Variants in SEPTIN7 observed in about 807,000 individuals in gnomAD.
SEPTIN7 encodes septin 7.
A neutral mutation model predicts 63.3 loss-of-function variants in SEPTIN7; 10 were observed. The observed-to-expected ratio is 0.16, with a 90% CI of 0.10 to 0.27. The LOEUF (loss-of-function observed/expected upper bound fraction) is 0.27. SEPTIN7 is among the 10% of genes least tolerant of loss of function. The pLI is 1.00. For missense variants in SEPTIN7, 310 were observed against 521.0 expected (o/e 0.59, Z 3.94); for synonymous variants, 131 against 165.3 (o/e 0.79, Z 1.59).
the SEPTIN7 span, among the ~76,000 whole-genome samples, chr7:35,912,349 T>C: frequency 3.3e-5 from 5 of 152,278 alleles, no homozygotes; most frequent in Non-Finnish European, 4.4e-5. Context: ...AAAGGGCATG[T>C]TCCTGCTGCA....
rs1403681735 is a variant in SEPTIN7, at chr7:35,872,535, A to G, written c.277-131A>G. 10 of 670,674 alleles carry G rather than the reference A, an allele frequency of 1.5e-5. No homozygotes were observed. The Admixed American group carries it at 1.8e-4, about 12-fold the overall frequency. The allele number at this position is 670,674 out of a possible 1,614,324, so 41.5% of individuals were successfully genotyped here. A position where few individuals can be genotyped will look rare whatever the true frequency, so the allele number is the denominator to read the frequency against. ...TCATCAATTCTAAAGGTAATGTGGTAGTAGGTAGATTTAGTTTGCTAACAG... is the reference window on the plus strand; with the variant it reads ...TCATCAATTCTAAAGGTAATGTGGTGGTAGGTAGATTTAGTTTGCTAACAG... On this transcript the variant is annotated intron_variant, in intron 4 of 13. Coordinates refer to ENST00000350320, the MANE Select transcript of SEPTIN7 (RefSeq NM_001788.6).
At chr7:35,837,053 A>G (rs930424045) in intron 3 of SEPTIN7, among the ~76,000 whole-genome samples, 3 of 152,204 alleles carry the variant, frequency 2.0e-5, no homozygotes, top group African/African-American at 7.2e-5. Context: ...TTTAGAAGAA[A>G]AAAATCACAT....
At chr7:35,880,223 C>CTTTTTTTTTTTTTTTTTTTTTTATTT in intron 7 of SEPTIN7, among the ~76,000 whole-genome samples, 3 of 72,776 alleles carry the variant, frequency 4.1e-5, no homozygotes, top group African/African-American at 6.0e-5. Context: ...TTTTTCTTTT[C>CTTTTTTTTTTTTTTTTTTTTTTATTT]TTTTTTTTTT....
At chr7:35,888,163 T>A (rs1787388808) in intron 10 of SEPTIN7, among the ~76,000 whole-genome samples, 1 of 152,142 alleles carries the variant, frequency 6.6e-6, no homozygotes, top group Non-Finnish European at 1.5e-5. Context: ...ATATCAGCAA[T>A]GGGAAATGGA....
At chr7:35,825,310 C>CT (rs775982135) in intron 1 of SEPTIN7, among the ~76,000 whole-genome samples, 12 of 152,146 alleles carry the variant, frequency 7.9e-5, no homozygotes, top group Non-Finnish European at 1.3e-4. Flanking sequence ...CTTAACTTTC[C>CT]TAAGCTATAG....
At chr7:35,851,480 T>C (rs941421045) in intron 3 of SEPTIN7, among the ~76,000 whole-genome samples, 4 of 152,140 alleles carry the variant, frequency 2.6e-5, no homozygotes, top group African/African-American at 9.7e-5. Flanking sequence ...AAAATATTAG[T>C]TTGAAGAAAT....
chr7:35,801,398 A>C, intron 1 of SEPTIN7, 128 bp downstream of exon 1: 1 of 1,188,226 alleles, frequency 8.4e-7, no homozygotes, highest in Non-Finnish European at 1.1e-6. Flanking sequence ...GGGAGCCGGG[A>C]TGGGGGCCAC....
At chr7:35,869,643 A>G (rs1786027155) in intron 4 of SEPTIN7, among the ~76,000 whole-genome samples, 1 of 152,226 alleles carries the variant, frequency 6.6e-6, no homozygotes, top group Non-Finnish European at 1.5e-5. Context: ...ACTGTATAAT[A>G]AACATTGTTT....
intron 3 of SEPTIN7, among the ~76,000 whole-genome samples, chr7:35,842,238 A>C (rs921152591): frequency 6.6e-6 from 1 of 152,206 alleles, no homozygotes; most frequent in African/African-American, 2.4e-5. Flanking sequence ...ATTGAACTAC[A>C]GAACCTTAGA....
At position 35,879,855 on chromosome 7, in the gene SEPTIN7, G is replaced by A. The variant is rs745712983; in HGVS notation, c.545G>A (p.Arg182His). The A allele has an allele frequency of 4.0e-5, 64 of 1,595,622 alleles. No individual in the cohort carries two copies. Among genetic ancestry groups the A allele is most frequent in the Non-Finnish European group, 8.6e-7 (1 of 1,169,404 alleles). Residue 182 changes from arginine (R) to histidine (H), a missense_variant, in exon 7 of 14, where the codon CGT becomes CAT. By Grantham distance (29) the Arg-to-His change is conservative. Coordinates refer to ENST00000350320, the MANE Select transcript of SEPTIN7 (RefSeq NM_001788.6). The stretch of plus-strand genomic sequence containing the variant: ...CCATTGGATATTGAGTTTATGAAGC[G>A]TTTGCATGAAAAAGTGAATATCATC... ...LKPLDIEFMK[R>H]LHEKVNIIPL...
In SEPTIN7 at chr7:35,801,266, C is replaced by T; in HGVS notation, c.57C>T (p.Thr19=). ...AGGAGAGGAGCGTCAACAGCAGCAC[C>T]ATGGGTGAGTCTCAGCTTCGGGTGC... is the stretch of plus-strand genomic sequence containing the variant. ...AAEERSVNSS[T]MVAQQKNLEG... is the part of the protein sequence containing the mutation. Residue 19 remains threonine (T), a synonymous_variant, in exon 1 of 14, where the codon ACC becomes ACT. Coordinates refer to ENST00000350320, the MANE Select transcript of SEPTIN7 (RefSeq NM_001788.6). 6.7e-7 allele frequency: 1 copy of T among 1,487,384 alleles called. No homozygotes were observed. The highest frequency in any genetic ancestry group is 8.9e-7 in the Non-Finnish European group (1 of 1,124,838). 92.1% of individuals were successfully genotyped at this position (1,487,384 alleles called of 1,614,324 possible).
intron 4 of SEPTIN7, among the ~76,000 whole-genome samples, chr7:35,867,056 C>CT (rs763436178): frequency 4.6e-5 from 7 of 152,270 alleles, no homozygotes; most frequent in Non-Finnish European, 1.0e-4. Context: ...TATCCTGTGT[C>CT]TGTCAGGGTG....
intron 1 of SEPTIN7, among the ~76,000 whole-genome samples, chr7:35,827,366 G>A (rs1373354309): frequency 6.6e-6 from 1 of 152,146 alleles, no homozygotes; most frequent in Non-Finnish European, 1.5e-5. Context: ...GAACATTTGT[G>A]CAGGAAAAGA....
intron 11 of SEPTIN7, 45 bp downstream of exon 11, chr7:35,890,838 C>T: frequency 7.3e-7 from 1 of 1,372,314 alleles, no homozygotes; most frequent in African/African-American, 1.5e-5. Context: ...TTTCTGTAGT[C>T]AATAATCATA....
chr7:35,904,161 C>A, intron 13 of SEPTIN7, 93 bp from the exon 14 acceptor site: 1 of 863,190 alleles, frequency 1.2e-6, no homozygotes, highest in Non-Finnish European at 1.7e-6. Flanking sequence ...AAAATCCCAA[C>A]ATTGTTGTAA....
chr7:35,894,469 A>G (rs1228554494), intron 11 of SEPTIN7, among the ~76,000 whole-genome samples: 1 of 152,194 alleles, frequency 6.6e-6, no homozygotes, highest in African/African-American at 2.4e-5. Context: ...CTAAATAGAA[A>G]TAAAGACAAT....
intron 10 of SEPTIN7, among the ~76,000 whole-genome samples, chr7:35,889,610 C>T (rs1787512789): frequency 6.6e-6 from 1 of 152,034 alleles, no homozygotes. Context: ...AATGCGTGAT[C>T]TTGGCTCACT....
rs748516231 is a variant in SEPTIN7 at position 35,873,755 on chromosome 7, C to T, written c.492C>T (p.Phe164=). 1.9e-6 allele frequency: 3 copies of T among 1,610,526 alleles called. No individual in the cohort carries two copies. The East Asian group carries it at 6.7e-5, about 36-fold the overall frequency. The change falls in exon 6 of 14, where the codon TTC becomes TTT. Residue 164 remains phenylalanine, a synonymous_variant. Coordinates refer to ENST00000350320, the MANE Select transcript of SEPTIN7 (RefSeq NM_001788.6). The part of the protein sequence containing the change: ...PDNRVQCCLY[F]IAPSGHGLKP... ...ACAGGGTGCAGTGTTGTTTATACTT[C>T]ATTGCTCCTTCAGGACATGGGTCAG...
intron 1 of SEPTIN7, among the ~76,000 whole-genome samples, chr7:35,821,800 A>G (rs1360010944): frequency 6.6e-6 from 1 of 152,114 alleles, no homozygotes; most frequent in African/African-American, 2.4e-5. Context: ...TTATTTTGAA[A>G]TGGAGTCTCA....
Sources: allele counts gnomAD v4.1 joint callset (sites outside exome capture counted in the v4.1 genomes callset), GRCh38; gene constraint gnomAD v4.1.1; transcripts MANE v1.5; gene names NCBI Gene and HGNC (gene_info 2026-07-23, HGNC 2026-07-21).